Variants in LETM2 observed in about 807,000 individuals in gnomAD.
The protein encoded by LETM2 is LETM1 domain-containing protein LETM2, mitochondrial.
A neutral mutation model predicts 59.6 loss-of-function variants in LETM2; 58 were observed. The ratio of observed to expected loss-of-function variants is 0.97; its 90% CI spans 0.79 to 1.21. The LOEUF (loss-of-function observed/expected upper bound fraction) is 1.21, where lower values mean the gene tolerates loss of function less well. Among genes scored for constraint, LETM2 ranks in the 50% most tolerant of loss-of-function variants. LETM2 has a pLI of 0.00. For synonymous variants in LETM2, 199 were observed against 214.1 expected (o/e 0.93, Z 0.62); for missense variants, 572 against 575.7 (o/e 0.99, Z 0.07).
Position 38,392,589 on chromosome 8 carries a change from C to A in LETM2, c.95C>A (p.Ser32Ter), listed in dbSNP as rs752260399. 2 of 1,613,224 alleles carry A rather than the reference C, an allele frequency of 1.2e-6. No individual in the cohort carries two copies. The highest frequency in any genetic ancestry group is 1.1e-5 in the South Asian group (1 of 91,072). Residue 32 changes from serine to a stop codon, truncating the protein, a stop_gained, in exon 3 of 11, where the codon TCA becomes TAA. Transcript: ENST00000379957. LOFTEE classifies it high-confidence loss of function. The stretch of plus-strand genomic sequence containing the variant: ...CCTACCTGCTCTTCTTATTCCCCAT[C>A]ATGTGCATTTCTTCACTTGCCAGAT... ...VHPTCSSYSPSCAFLHLPDSH... is the reference protein window; with the variant it reads ...VHPTCSSYSP
intron 5 of LETM2, 78 bp from the exon 6 acceptor site, chr8:38,400,775 C>G (rs1270982612): frequency 7.8e-7 from 1 of 1,277,874 alleles, no homozygotes; most frequent in African/African-American, 1.5e-5. Context: ...GCTTTGATGT[C>G]TCTTTCAAAT....
chr8:38,396,031 A>G (rs1425059122), intron 4 of LETM2, among the ~76,000 whole-genome samples: 1 of 152,168 alleles, frequency 6.6e-6, no homozygotes, highest in African/African-American at 2.4e-5. Flanking sequence ...TTCATGAATC[A>G]TGCTTTTAGT....
At chr8:38,395,155 G>A (rs76602963) in intron 4 of LETM2, among the ~76,000 whole-genome samples, 3,908 of 152,274 alleles carry the variant, frequency 0.026, 66 homozygotes, top group Non-Finnish European at 0.039. Flanking sequence ...TCCAGTTTTT[G>A]ACAATTATGA....
intron 1 of LETM2, among the ~76,000 whole-genome samples, chr8:38,387,686 A>C (rs1162806526): frequency 1.3e-5 from 2 of 152,096 alleles, no homozygotes; most frequent in African/African-American, 4.8e-5. Flanking sequence ...ATTGACCAGA[A>C]ATCAAAATGT....
chr8:38,388,697 G>A (rs933076139), intron 2 of LETM2, among the ~76,000 whole-genome samples: 1 of 147,662 alleles, frequency 6.8e-6, no homozygotes, highest in Admixed American at 6.7e-5. Context: ...TCCAGCTTGG[G>A]CAACAAGAGT....
chr8:38,405,004 A>T (rs1327595034), intron 8 of LETM2, among the ~76,000 whole-genome samples: 1 of 152,120 alleles, frequency 6.6e-6, no homozygotes, highest in Non-Finnish European at 1.5e-5. Flanking sequence ...AACTGAAGCC[A>T]CTCAGTTTTA....
chr8:38,401,446 T>G (rs1813218991), intron 6 of LETM2: 1 of 214,656 alleles, frequency 4.7e-6, no homozygotes, highest in Non-Finnish European at 9.5e-6. Flanking sequence ...AGAAGTGCAT[T>G]ATTTTCTGTT....
At chr8:38,404,256 C>G (rs904988951) in intron 7 of LETM2, 137 bp from the exon 8 acceptor site, 1 of 630,242 alleles carries the variant, frequency 1.6e-6, no homozygotes, top group African/African-American at 1.8e-5. Flanking sequence ...CGTGTTCTGC[C>G]GTGACTCATC....
intron 7 of LETM2, among the ~76,000 whole-genome samples, chr8:38,403,890 ACT>A (rs1379310788): frequency 6.6e-6 from 1 of 152,022 alleles, no homozygotes; most frequent in Non-Finnish European, 1.5e-5. Flanking sequence ...ACAGAGTCTC[ACT>A]CTGTCGCCCA....
In LETM2 at chr8:38,406,960, T is replaced by C; in HGVS notation, c.1233T>C (p.Asp411=). 1 of 1,609,018 alleles carries C rather than the reference T, an allele frequency of 6.2e-7. No individual in the cohort carries two copies. The highest frequency in any genetic ancestry group is 8.5e-7 in the Non-Finnish European group (1 of 1,175,430). ...TATCTCCCCAGGCTCCAAAGACTGATATTCTTGTGGAATTACCTACTTTCA... is the reference window on the plus strand; with the variant it reads ...TATCTCCCCAGGCTCCAAAGACTGACATTCTTGTGGAATTACCTACTTTCA... ...IPLSGEAPKT[D]ILVELPTFTE... Residue 411 remains aspartate, a synonymous_variant, in exon 9 of 11, where the codon GAT becomes GAC. Transcript: ENST00000379957.
In LETM2 at chr8:38,409,256, T is replaced by C. The variant is rs572094155; in HGVS notation, c.*982T>C. On this transcript the variant is annotated 3_prime_UTR_variant, in exon 11 of 11. Transcript: ENST00000379957. ...CTGTAGGTGATAAAATTAGATTTCT[T>C]TACTTGCTGTGGTTAGACAGCAGTC... 4.1e-4 allele frequency: 63 copies of C among 152,322 alleles called. 1 individual carries two copies. Among genetic ancestry groups the C allele is most frequent in the Admixed American group, 3.9e-3 (59 of 15,296 alleles). 9.4% of individuals were successfully genotyped at this position (152,322 alleles called of 1,614,324 possible).
At chr8:38,388,237 C>G (rs1411423859) in intron 2 of LETM2, among the ~76,000 whole-genome samples, 2 of 151,888 alleles carry the variant, frequency 1.3e-5, no homozygotes, top group South Asian at 4.2e-4. Context: ...TTGCCACCAC[C>G]TCCGGCTAAT....
At chr8:38,405,497 T>C (rs542500448) in intron 8 of LETM2, among the ~76,000 whole-genome samples, 1 of 152,350 alleles carries the variant, frequency 6.6e-6, no homozygotes, top group Non-Finnish European at 1.5e-5. Context: ...ATTATGCTGT[T>C]GACTCCTTGG....
intron 8 of LETM2, among the ~76,000 whole-genome samples, chr8:38,405,395 G>A (rs1256308442): frequency 6.6e-6 from 1 of 152,156 alleles, no homozygotes; most frequent in Non-Finnish European, 1.5e-5. Flanking sequence ...CCCGGCATGA[G>A]TAAGAAAGGA....
chr8:38,400,801 T>C (rs369228712), intron 5 of LETM2, 52 bp from the exon 6 acceptor site: 2 of 1,513,998 alleles, frequency 1.3e-6, no homozygotes, highest in African/African-American at 2.8e-5. Context: ...ATTGGGAAAG[T>C]TAAATTAAGT....
chr8:38,401,086 CA>C, intron 6 of LETM2, 33 bp downstream of exon 6: 1 of 1,571,832 alleles, frequency 6.4e-7, no homozygotes, highest in Non-Finnish European at 8.7e-7. Context: ...AGGGAATTAG[CA>C]AGGTTTTGGG....
rs1188245399 is a variant in LETM2, at chr8:38,393,188, A to AT, written c.501+194dup. ...TAGTCAGTATTCTGAAATTTGTTATATATTTTCCTGTATAACGGTTTTTAA... is the reference window on the plus strand; with the variant it reads ...TAGTCAGTATTCTGAAATTTGTTATATTATTTTCCTGTATAACGGTTTTTAA... On this transcript the variant is annotated intron_variant, in intron 3 of 10. Transcript: ENST00000379957. The AT allele has an allele frequency of 5.3e-6, 3 of 563,942 alleles. No individual in the cohort carries two copies. In the East Asian group the frequency reaches 8.8e-5, roughly 16 times the overall value. 34.9% of individuals were successfully genotyped at this position (563,942 alleles called of 1,614,324 possible). A position where few individuals can be genotyped will look rare whatever the true frequency, so the allele number is the denominator to read the frequency against.
rs1203903135 is a variant in LETM2 at position 38,408,201 on chromosome 8, T to C, written c.1414-11T>C. 6.2e-7 allele frequency: 1 copy of C among 1,610,874 alleles called. No individual in the cohort carries two copies. Among genetic ancestry groups the C allele is most frequent in the South Asian group, 1.1e-5 (1 of 90,190 alleles). On this transcript the variant is annotated splice_polypyrimidine_tract_variant and intron_variant, in intron 10 of 10. Transcript: ENST00000379957. ...TGACTAATGCCTACAGTCCTTGTTT[T>C]TTACGCCTAGACACTCCAGGCCAAA...
Position 38,401,015 on chromosome 8 carries a change from C to G in LETM2, c.946C>G (p.Leu316Val). ...AACCAACAACCTGCTCCGCTTTCAG[C>G]TCCTGATGAAACTGAAGTCTATAAA... ...FGTNNLLRFQ[L>V]LMKLKSIKAD... Residue 316 changes from leucine to valine, a missense_variant, in exon 6 of 11, where the codon CTC becomes GTC. Leu to Val is a conservative substitution (Grantham distance 32). Coordinates refer to ENST00000379957, the MANE Select transcript of LETM2 (RefSeq NM_001286819.2). The G allele has an allele frequency of 6.2e-7, 1 of 1,612,972 alleles. No homozygotes were observed. Among genetic ancestry groups the G allele is most frequent in the Non-Finnish European group, 8.5e-7 (1 of 1,179,704 alleles).
Sources: allele counts gnomAD v4.1 joint callset (sites outside exome capture counted in the v4.1 genomes callset), GRCh38; gene constraint gnomAD v4.1.1; transcripts MANE v1.5; gene names NCBI Gene and HGNC (gene_info 2026-07-23, HGNC 2026-07-21).